The following SGCB variants were observed in gnomAD, a reference collection of about 807,000 sequenced individuals.
The protein encoded by SGCB is sarcoglycan beta.
In SGCB, 25 loss-of-function variants were observed where a neutral mutation model predicts 27.3. The observed-to-expected ratio is 0.92, with a 90% CI of 0.67 to 1.28. The LOEUF is 1.28. Among genes scored for constraint, SGCB ranks in the 50% most tolerant of loss-of-function variants. The pLI is 0.00. For synonymous variants in SGCB, 147 were observed against 133.5 expected (o/e 1.10, Z -0.70); for missense variants, 436 against 402.1 (o/e 1.08, Z -0.72).
chr4:52,031,783 G>A (rs1377475905), intron 2 of SGCB: 5 of 393,084 alleles, frequency 1.3e-5, no homozygotes, highest in African/African-American at 1.0e-4. Flanking sequence ...CATACTTAGT[G>A]ATGAATTCAT....
chr4:52,026,958 T>C (rs1255316805), intron 5 of SGCB, among the ~76,000 whole-genome samples: 1 of 152,196 alleles, frequency 6.6e-6, no homozygotes, highest in African/African-American at 2.4e-5. Context: ...ACATACAAAT[T>C]AACTCTGTAG....
Position 52,021,936 on chromosome 4 carries a change from T to G in SGCB, c.*2021A>C, listed in dbSNP as rs1237440030. 2 of 152,206 alleles carry G rather than the reference T, an allele frequency of 1.3e-5. No individual in the cohort carries two copies. The highest frequency in any genetic ancestry group is 2.4e-5 in the African/African-American group (1 of 41,460). 9.4% of individuals were successfully genotyped at this position (152,206 alleles called of 1,614,324 possible). A position where few individuals can be genotyped will look rare whatever the true frequency, so the allele number is the denominator to read the frequency against. On this transcript the variant is annotated 3_prime_UTR_variant, in exon 6 of 6. Transcript: ENST00000381431. ...AATAGATTATTTCCTGAACTACATT[T>G]AATAAATAATATTTTGTAATACAGT...
intron 1 of SGCB, among the ~76,000 whole-genome samples, chr4:52,034,299 T>C (rs1302602390): frequency 3.6e-5 from 2 of 55,768 alleles, no homozygotes; most frequent in African/African-American, 8.9e-5. Flanking sequence ...GCCACTGCAC[T>C]CCAGCCTGGG....
chr4:52,027,309 T>C (rs1220164337), intron 5 of SGCB, among the ~76,000 whole-genome samples: 4 of 152,054 alleles, frequency 2.6e-5, no homozygotes, highest in East Asian at 1.9e-4. Context: ...TGAAATACCA[T>C]ACCTGTTAAA....
At chr4:52,027,574 A>T (rs1000289681) in intron 5 of SGCB, among the ~76,000 whole-genome samples, 12 of 150,640 alleles carry the variant, frequency 8.0e-5, no homozygotes, top group African/African-American at 2.9e-4. Flanking sequence ...ATCTTCCAGA[A>T]TTCTCTTTTA....
rs1308444671 is a variant in SGCB, at chr4:52,037,549, TAAC to T, written c.33+675_33+677del. On this transcript the variant is annotated intron_variant, in intron 1 of 5. Coordinates refer to ENST00000381431, the MANE Select transcript of SGCB (RefSeq NM_000232.5). ...CTAGCGATTACGTGTATGTATATAT[TAAC>T]ACACACACATATGCATGTACATGTA... 2.6e-5 allele frequency among the ~76,000 whole-genome samples: 4 copies of T among 152,206 alleles called. No individual in the cohort carries two copies. In the East Asian group the frequency reaches 7.7e-4, roughly 29 times the overall value.
At position 52,033,434 on chromosome 4, in the gene SGCB, T is replaced by G. The variant is rs1162416121; in HGVS notation, c.240A>C (p.Leu80Phe). ...GAGTATTCTTACAAATACTCACTAT[T>G]AAATTGATGACAGCCAGGATAAACA... ...ILLFILAVIN[L>F]IITLVIWAVI... The change falls in exon 2 of 6, where the codon TTA becomes TTC. Residue 80 changes from leucine (L) to phenylalanine (F), a missense_variant. By Grantham distance (22) the Leu-to-Phe change is conservative (BLOSUM62 0). Transcript: ENST00000381431. 2 of 1,603,776 alleles carry G rather than the reference T, an allele frequency of 1.2e-6. No individual in the cohort carries two copies. The highest frequency in any genetic ancestry group is 1.7e-6 in the Non-Finnish European group (2 of 1,170,542).
chr4:52,032,998 G>C (rs1041504669), intron 2 of SGCB, among the ~76,000 whole-genome samples: 12 of 152,066 alleles, frequency 7.9e-5, no homozygotes, highest in Admixed American at 1.3e-4. Context: ...GCCATCAAAG[G>C]GTTTAAAATT....
chr4:52,029,527 CTA>C (rs1737192994), intron 3 of SGCB, 149 bp downstream of exon 3: 3 of 517,394 alleles, frequency 5.8e-6, no homozygotes, highest in Admixed American at 3.3e-5. Context: ...ACTGTATTCA[CTA>C]TATTCATACA....
chr4:52,036,983 C>A (rs2109379313), intron 1 of SGCB, among the ~76,000 whole-genome samples: 1 of 152,238 alleles, frequency 6.6e-6, no homozygotes, highest in Non-Finnish European at 1.5e-5. Context: ...AAGTTCAGGG[C>A]TGGAGACGTA....
intron 1 of SGCB, 43 bp from the exon 2 acceptor site, chr4:52,033,683 G>A (rs1737309788): frequency 1.0e-5 from 15 of 1,464,398 alleles, no homozygotes; most frequent in Non-Finnish European, 1.4e-5. Flanking sequence ...ATACCCTCTC[G>A]TTTTGGTGCA....
intron 5 of SGCB, among the ~76,000 whole-genome samples, chr4:52,025,421 G>C (rs1737062893): frequency 6.6e-6 from 1 of 152,116 alleles, no homozygotes; most frequent in Non-Finnish European, 1.5e-5. Context: ...AACTGGGGAA[G>C]GGTACTCAAA....
Position 52,029,811 on chromosome 4 carries a change from C to T in SGCB, c.296G>A (p.Ser99Asn). 6.2e-7 allele frequency: 1 copy of T among 1,613,848 alleles called. No homozygotes were observed. The highest frequency in any genetic ancestry group is 8.5e-7 in the Non-Finnish European group (1 of 1,179,812). Residue 99 changes from serine (S) to asparagine (N), a missense_variant, in exon 3 of 6, where the codon AGT becomes AAT. Transcript: ENST00000381431. ...VIRIGPNGCD[S>N]MEFHESGLLR... ...CAGGCCACTTTCATGAAACTCCATA[C>T]TATCACAGCCATTTGGTCCAATGCG...
chr4:52,027,876 A>G (rs1674881022), intron 5 of SGCB, 92 bp downstream of exon 5: 6 of 1,217,752 alleles, frequency 4.9e-6, no homozygotes, highest in South Asian at 3.9e-5. Context: ...ATAGACAATT[A>G]TATCATTTTC....
rs1437653269 is a variant in SGCB at position 52,038,255 on chromosome 4, G to A, written c.5C>T (p.Ala2Val). 5.4e-6 allele frequency: 7 copies of A among 1,296,590 alleles called. No homozygotes were observed. The highest frequency in any genetic ancestry group is 4.9e-5 in the South Asian group (2 of 40,758). 80.3% of individuals were successfully genotyped at this position (1,296,590 alleles called of 1,614,324 possible). Residue 2 changes from alanine to valine, a missense_variant, in exon 1 of 6, where the codon GCG becomes GTG. Coordinates refer to ENST00000381431, the MANE Select transcript of SGCB (RefSeq NM_000232.5). M[A>V]AAAAAAAEQQ... ...TTCTGCAGCCGCCGCCGCCGCTGCCGCCATCTTCCCGCGCCCGCCGCCGCC... is the reference window on the plus strand; with the variant it reads ...TTCTGCAGCCGCCGCCGCCGCTGCCACCATCTTCCCGCGCCCGCCGCCGCC...
chr4:52,029,084 C>G (rs1437222280), intron 3 of SGCB, among the ~76,000 whole-genome samples, 163 bp from the exon 4 acceptor site: 1 of 152,200 alleles, frequency 6.6e-6, no homozygotes, highest in South Asian at 2.1e-4. Flanking sequence ...CCTCCATCCA[C>G]TTGGAAGAAG....
chr4:52,026,399 C>T (rs189365038), intron 5 of SGCB, among the ~76,000 whole-genome samples: 2 of 151,812 alleles, frequency 1.3e-5, no homozygotes, highest in South Asian at 4.2e-4. Flanking sequence ...GCTGGGATTA[C>T]AGGCGCCCGC....
chr4:52,023,440 A>ATC lies in SGCB; in HGVS notation c.*515_*516dup, dbSNP rs1737006827. Reference sequence around the variant, plus strand: ...GCAAAACTAAGGAACCATTGTTTCTATCTCACATATGTAAAGTTCTTTAAT... The same window carrying ATC: ...GCAAAACTAAGGAACCATTGTTTCTATCTCTCACATATGTAAAGTTCTTTAAT... On this transcript the variant is annotated 3_prime_UTR_variant, in exon 6 of 6. Transcript: ENST00000381431. 6.5e-6 allele frequency: 1 copy of ATC among 153,592 alleles called. No homozygotes were observed. The highest frequency in any genetic ancestry group is 2.0e-4 in the South Asian group (1 of 4,890). The allele number at this position is 153,592 out of a possible 1,614,324, so 9.5% of individuals were successfully genotyped here.
chr4:52,033,460 A>C lies in SGCB; in HGVS notation c.214T>G (p.Leu72Val). Reference sequence around the variant, plus strand: ...AAATTGATGACAGCCAGGATAAACAAGAGGATAATCACACAGATGGCTAAA... The same window carrying C: ...AAATTGATGACAGCCAGGATAAACACGAGGATAATCACACAGATGGCTAAA... ...GNLAICVIIL[L>V]FILAVINLII... Residue 72 changes from leucine (L) to valine (V), a missense_variant, in exon 2 of 6, where the codon TTG (leucine) becomes GTG (valine). Coordinates refer to ENST00000381431, the MANE Select transcript of SGCB (RefSeq NM_000232.5). 1 of 1,613,172 alleles carries C rather than the reference A, an allele frequency of 6.2e-7. No individual in the cohort carries two copies. The highest frequency in any genetic ancestry group is 1.1e-5 in the South Asian group (1 of 91,056).
Sources: allele counts gnomAD v4.1 joint callset (sites outside exome capture counted in the v4.1 genomes callset), GRCh38; gene constraint gnomAD v4.1.1; transcripts MANE v1.5; gene names NCBI Gene and HGNC (gene_info 2026-07-23, HGNC 2026-07-21).